Variants in FREM1 observed in about 807,000 individuals in gnomAD.
FREM1 encodes FRAS1 related extracellular matrix 1, also known as FRAS1-related extracellular matrix protein 1.
A neutral mutation model predicts 210.1 loss-of-function variants in FREM1; 220 were observed. The observed-to-expected ratio is 1.05, with a 90% confidence interval of 0.94 to 1.17. The LOEUF is 1.17. Among genes scored for constraint, FREM1 ranks in the 50% most tolerant of loss-of-function variants. The pLI is 0.00. For missense variants in FREM1, 3,454 were observed against 2,675.5 expected (o/e 1.29, Z -6.42); for synonymous variants, 1,189 against 980.2 (o/e 1.21, Z -3.98).
At chr9:14,900,781 C>G (rs1838649578) in intron 1 of FREM1, among the ~76,000 whole-genome samples, 4 of 152,164 alleles carry the variant, frequency 2.6e-5, no homozygotes, top group Admixed American at 2.6e-4. Context: ...GAGACATTTC[C>G]TGATCTGTGG....
At chr9:14,773,409 A>T (rs1847943708) in intron 25 of FREM1, among the ~76,000 whole-genome samples, 2 of 152,140 alleles carry the variant, frequency 1.3e-5, no homozygotes, top group African/African-American at 4.8e-5. Context: ...TTATCACTCA[A>T]CGGTGATCAA....
At chr9:14,803,484 A>G (rs1331401718) in intron 19 of FREM1, among the ~76,000 whole-genome samples, 1 of 151,754 alleles carries the variant, frequency 6.6e-6, no homozygotes, top group Non-Finnish European at 1.5e-5. Flanking sequence ...CTCAGCCCCC[A>G]AGTAGCTAGG....
intron 1 of FREM1, among the ~76,000 whole-genome samples, chr9:14,869,494 T>C (rs889961361): frequency 1.3e-5 from 2 of 152,250 alleles, no homozygotes; most frequent in African/African-American, 4.8e-5. Context: ...CCAACCGGGA[T>C]GTCAACTGTG....
At chr9:14,776,348 A>C in intron 24 of FREM1, 145 bp from the exon 25 acceptor site, 1 of 863,284 alleles carries the variant, frequency 1.2e-6, no homozygotes, top group Non-Finnish European at 1.7e-6. Context: ...CTTGCAGAAA[A>C]ATCCCTATCA....
At chr9:14,886,212 C>T (rs948170477) in intron 1 of FREM1, among the ~76,000 whole-genome samples, 3 of 151,926 alleles carry the variant, frequency 2.0e-5, no homozygotes, top group Admixed American at 6.6e-5. Context: ...TGGTGAAACC[C>T]TGTCTCTACT....
intron 24 of FREM1, among the ~76,000 whole-genome samples, chr9:14,777,982 T>C (rs564422419): frequency 1.3e-5 from 2 of 152,280 alleles, no homozygotes; most frequent in South Asian, 4.1e-4. Context: ...GGAAAATATA[T>C]CTGATTTGAT....
At position 14,747,635 on chromosome 9, in the gene FREM1, G is replaced by A. The variant is rs1178929906; in HGVS notation, c.5844+46C>T. ...AAAATAATAGCTTCATTAAATACTT[G>A]CATCCATAAATATAAGAAATTTAGC... On this transcript the variant is annotated intron_variant, in intron 32 of 36. Coordinates refer to ENST00000380880, the MANE Select transcript of FREM1 (RefSeq NM_001379081.2). The A allele has an allele frequency of 7.1e-6, 8 of 1,132,546 alleles. No homozygotes were observed. The East Asian group carries it at 1.6e-4, about 23-fold the overall frequency. The allele number at this position is 1,132,546 out of a possible 1,614,324, so 70.2% of individuals were successfully genotyped here.
intron 27 of FREM1, among the ~76,000 whole-genome samples, chr9:14,766,473 C>T (rs1846428464): frequency 6.6e-6 from 1 of 152,060 alleles, no homozygotes; most frequent in Admixed American, 6.6e-5. Context: ...ACGCACATCT[C>T]GATGATTCCA....
At chr9:14,789,413 T>A (rs1338198025) in intron 22 of FREM1, among the ~76,000 whole-genome samples, 1 of 152,208 alleles carries the variant, frequency 6.6e-6, no homozygotes, top group Non-Finnish European at 1.5e-5. Flanking sequence ...TGATTGAATA[T>A]TCCAATTAAT....
Position 14,763,387 on chromosome 9 carries a change from T to A in FREM1, c.5205-3486A>T, listed in dbSNP as rs190078048. Among the ~76,000 whole-genome samples the A allele has an allele frequency of 8.5e-4, 130 of 152,280 alleles. No homozygotes were observed. The Middle Eastern group carries it at 0.014, about 16-fold the overall frequency. ...GAACTTCTTCCATATGCGGTTTTAA[T>A]GTGTTCATCACAATAGAAAAAGCTG... On this transcript the variant is annotated intron_variant, in intron 27 of 36. Coordinates refer to ENST00000380880, the MANE Select transcript of FREM1 (RefSeq NM_001379081.2).
At chr9:14,791,125 AC>A (rs1222482760) in intron 22 of FREM1, 3 of 152,178 alleles carry the variant, frequency 2.0e-5, no homozygotes, top group African/African-American at 7.2e-5. Context: ...GTCTTAATCT[AC>A]CATTGAAATA....
intron 23 of FREM1, among the ~76,000 whole-genome samples, chr9:14,786,807 C>G (rs2132917743): frequency 6.6e-6 from 1 of 152,302 alleles, no homozygotes; most frequent in South Asian, 2.1e-4. Context: ...AAATTTAAAT[C>G]AAAACCTTAG....
intron 1 of FREM1, among the ~76,000 whole-genome samples, chr9:14,888,903 C>A (rs996271022): frequency 8.5e-5 from 13 of 152,088 alleles, no homozygotes; most frequent in Non-Finnish European, 1.6e-4. Context: ...AGGACAAAAA[C>A]ACAGAAACAT....
intron 29 of FREM1, among the ~76,000 whole-genome samples, chr9:14,754,012 A>G (rs2035987): frequency 0.44 from 66,267 of 151,998 alleles, 16,297 homozygotes; most frequent in East Asian, 0.59. Context: ...TATTTATCTT[A>G]TCCAGTGGAA....
intron 35 of FREM1, among the ~76,000 whole-genome samples, chr9:14,743,467 T>A (rs1841907339): frequency 6.6e-6 from 1 of 152,096 alleles, no homozygotes. Context: ...ACTATTATAA[T>A]CTCGTAATAA....
chr9:14,892,775 G>T (rs1837072052), intron 1 of FREM1, among the ~76,000 whole-genome samples: 2 of 152,046 alleles, frequency 1.3e-5, no homozygotes, highest in Admixed American at 1.3e-4. Flanking sequence ...TGCAATGGGT[G>T]GGTCTTTCTC....
Position 14,737,353 on chromosome 9 carries a change from T to C in FREM1, c.*43A>G, listed in dbSNP as rs374314090. ...AATATTCACAGATCCTGTGAATAAA[T>C]AGGTGACAAACTCCAGGTGGCCCCC... On this transcript the variant is annotated 3_prime_UTR_variant, in exon 37 of 37. Coordinates refer to ENST00000380880, the MANE Select transcript of FREM1 (RefSeq NM_001379081.2). 2.1e-6 allele frequency: 3 copies of C among 1,452,400 alleles called. No homozygotes were observed. The highest frequency in any genetic ancestry group is 1.8e-5 in the Admixed American group (1 of 56,482). The allele number at this position is 1,452,400 out of a possible 1,614,324, so 90.0% of individuals were successfully genotyped here.
At chr9:14,896,084 C>T (rs191196286) in intron 1 of FREM1, among the ~76,000 whole-genome samples, 2 of 152,248 alleles carry the variant, frequency 1.3e-5, no homozygotes, top group African/African-American at 4.8e-5. Flanking sequence ...AAAGACCTTG[C>T]TGATGAAACA....
intron 10 of FREM1, among the ~76,000 whole-genome samples, chr9:14,840,917 A>T (rs10961753): frequency 2.0e-5 from 3 of 152,112 alleles, no homozygotes; most frequent in Non-Finnish European, 4.4e-5. Flanking sequence ...ATCTTTAAAG[A>T]CAACAATAAA....
Sources: gnomAD v4.1 joint callset for allele counts (sites outside exome capture counted in the v4.1 genomes callset) on GRCh38, gnomAD v4.1.1 for gene constraint, MANE v1.5 for transcripts, NCBI Gene and HGNC (gene_info 2026-07-23, HGNC 2026-07-21) for gene names.